Variants in COL22A1 observed in about 807,000 individuals in gnomAD.
COL22A1 encodes the protein collagen alpha-1(XXII) chain.
In COL22A1, 221 loss-of-function variants were observed where a neutral mutation model predicts 248.9. The observed-to-expected ratio is 0.89, with a 90% confidence interval of 0.80 to 0.99. COL22A1 has a LOEUF of 0.99. Ranked by LOEUF, COL22A1 falls within the 50% of genes least tolerant of loss-of-function variation. The pLI is 0.00. For missense variants in COL22A1, 2,240 were observed against 2,179.0 expected (o/e 1.03, Z -0.56); for synonymous variants, 891 against 793.4 (o/e 1.12, Z -2.07).
At chr8:138,859,783 G>A (rs1467907299) in intron 3 of COL22A1, among the ~76,000 whole-genome samples, 2 of 152,174 alleles carry the variant, frequency 1.3e-5, no homozygotes, top group East Asian at 1.9e-4. Context: ...ATGGGCATCG[G>A]TGTGGCCTCC....
intron 3 of COL22A1, among the ~76,000 whole-genome samples, chr8:138,847,046 C>G (rs1309097554): frequency 6.6e-6 from 1 of 152,128 alleles, no homozygotes; most frequent in Non-Finnish European, 1.5e-5. Flanking sequence ...TTCCATTTAT[C>G]CCAGCCTGGG....
intron 4 of COL22A1, among the ~76,000 whole-genome samples, chr8:138,836,023 C>A (rs1283595965): frequency 6.6e-6 from 1 of 152,196 alleles, no homozygotes; most frequent in East Asian, 1.9e-4. Context: ...GTAATCCCAG[C>A]ACTTTGGAAG....
rs374169776 is a variant in COL22A1 at position 138,623,716 on chromosome 8, G to A, written c.3771+16C>T. Reference sequence around the variant, plus strand: ...GATTTGGCATGTGATATAATAGGAAGTTTAGAGTCCTTTACCGGCTCTCCA... The same window carrying A: ...GATTTGGCATGTGATATAATAGGAAATTTAGAGTCCTTTACCGGCTCTCCA... On this transcript the variant is annotated intron_variant, in intron 52 of 64. Coordinates refer to ENST00000303045, the MANE Select transcript of COL22A1 (RefSeq NM_152888.3). The A allele has an allele frequency of 5.0e-6, 8 of 1,603,668 alleles. No homozygotes were observed. Among genetic ancestry groups the A allele is most frequent in the South Asian group, 1.1e-5 (1 of 89,390 alleles).
At chr8:138,771,766 A>T (rs987994690) in intron 16 of COL22A1, among the ~76,000 whole-genome samples, 3 of 152,176 alleles carry the variant, frequency 2.0e-5, no homozygotes, top group African/African-American at 7.2e-5. Context: ...AGAAGACATT[A>T]ATATTTCCAT....
At chr8:138,801,348 G>A (rs935815661) in intron 11 of COL22A1, among the ~76,000 whole-genome samples, 1 of 152,134 alleles carries the variant, frequency 6.6e-6, no homozygotes, top group Non-Finnish European at 1.5e-5. Flanking sequence ...GCAAAGGTTA[G>A]ACTCCATAGG....
chr8:138,837,468 C>G (rs1038867597), intron 4 of COL22A1, among the ~76,000 whole-genome samples: 3 of 152,236 alleles, frequency 2.0e-5, no homozygotes, highest in Non-Finnish European at 4.4e-5. Context: ...CCCACCTGAA[C>G]AGGACCTCAA....
chr8:138,702,899 T>A (rs1184512008), intron 31 of COL22A1, among the ~76,000 whole-genome samples: 1 of 152,094 alleles, frequency 6.6e-6, no homozygotes, highest in Non-Finnish European at 1.5e-5. Flanking sequence ...AAGCCCACAC[T>A]CTTACTGATA....
At chr8:138,779,102 AC>A (rs1211455994) in intron 14 of COL22A1, among the ~76,000 whole-genome samples, 1 of 152,242 alleles carries the variant, frequency 6.6e-6, no homozygotes, top group Non-Finnish European at 1.5e-5. Flanking sequence ...TTAGTGGAAA[AC>A]AAATGACATT....
rs754901541 is a variant in COL22A1, at chr8:138,635,080, T to C, written c.3556-17A>G. On this transcript the variant is annotated splice_polypyrimidine_tract_variant and intron_variant, in intron 48 of 64. Transcript: ENST00000303045. Reference sequence around the variant, plus strand: ...AGGATGACCCTAGGAAAACACAAGATGCAATTCTTTAAAATGACTTGAAAA... The same window carrying C: ...AGGATGACCCTAGGAAAACACAAGACGCAATTCTTTAAAATGACTTGAAAA... 9 of 1,593,266 alleles carry C rather than the reference T, an allele frequency of 5.6e-6. No homozygotes were observed. In the South Asian group the frequency reaches 9.1e-5, roughly 16 times the overall value.
At chr8:138,644,739 C>T (rs1241543348) in intron 47 of COL22A1, among the ~76,000 whole-genome samples, 1 of 152,202 alleles carries the variant, frequency 6.6e-6, no homozygotes, top group Non-Finnish European at 1.5e-5. Context: ...GCACATGTTT[C>T]TCCTTCTGTA....
chr8:138,686,328 G>A (rs1031915178), intron 37 of COL22A1, among the ~76,000 whole-genome samples: 11 of 152,280 alleles, frequency 7.2e-5, no homozygotes, highest in East Asian at 5.8e-4. Context: ...CCCTTGTGGC[G>A]GCCCTGACTG....
chr8:138,903,036 C>T (rs1169538926), intron 1 of COL22A1, among the ~76,000 whole-genome samples: 1 of 152,110 alleles, frequency 6.6e-6, no homozygotes, highest in Admixed American at 6.5e-5. Flanking sequence ...AAAAATGCTC[C>T]CTCCCTATCG....
At chr8:138,623,680 G>T in intron 52 of COL22A1, 52 bp downstream of exon 52, 2 of 1,465,074 alleles carry the variant, frequency 1.4e-6, no homozygotes, top group South Asian at 1.2e-5. Context: ...AGTTGTTTTT[G>T]ACATGTAATA....
At chr8:138,773,319 C>A (rs1309048952) in intron 16 of COL22A1, among the ~76,000 whole-genome samples, 1 of 152,162 alleles carries the variant, frequency 6.6e-6, no homozygotes, top group Non-Finnish European at 1.5e-5. Flanking sequence ...CCCGAGGGAC[C>A]ACATTGGTAC....
At chr8:138,873,993 C>T (rs1159727619) in intron 3 of COL22A1, among the ~76,000 whole-genome samples, 2 of 152,204 alleles carry the variant, frequency 1.3e-5, no homozygotes, top group African/African-American at 4.8e-5. Flanking sequence ...GTGAAGTCCC[C>T]CACAGGCATC....
In COL22A1 at chr8:138,865,313, G is replaced by A. The variant is rs34860996; in HGVS notation, c.658+12437C>T. 3.7e-3 allele frequency among the ~76,000 whole-genome samples: 571 copies of A among 152,270 alleles called. 5 individuals carry two copies. Among genetic ancestry groups the A allele is most frequent in the Non-Finnish European group, 5.2e-3 (353 of 68,026 alleles). On this transcript the variant is annotated intron_variant, in intron 3 of 64. Transcript: ENST00000303045. ...TGTGCATCTGAGTATGTGTATATAAGTGGGGCTGTGTAGTGAGTATGTATG... is the reference window on the plus strand; with the variant it reads ...TGTGCATCTGAGTATGTGTATATAAATGGGGCTGTGTAGTGAGTATGTATG...
rs779417247 is a variant in COL22A1 at position 138,596,940 on chromosome 8, G to A, written c.4396C>T (p.Arg1466Trp). Residue 1466 changes from arginine to tryptophan, a missense_variant, in exon 62 of 65, where the codon CGG (arginine) becomes TGG (tryptophan). Transcript: ENST00000303045. ...GESPSMETLR[R>W]LIQEELGKQL... The stretch of plus-strand genomic sequence containing the variant: ...TTCCCCAGCTCTTCTTGAATAAGCC[G>A]ACGCAGGGTTTCCATGGATGGAGAC... The A allele has an allele frequency of 1.2e-5, 20 of 1,614,038 alleles. No individual in the cohort carries two copies. Among genetic ancestry groups the A allele is most frequent in the East Asian group, 6.7e-5 (3 of 44,868 alleles).
intron 7 of COL22A1, among the ~76,000 whole-genome samples, chr8:138,818,678 T>C (rs1818869538): frequency 6.6e-6 from 1 of 152,206 alleles, no homozygotes; most frequent in Non-Finnish European, 1.5e-5. Flanking sequence ...TCTGAAGTTG[T>C]AAAGATTTTG....
chr8:138,885,142 C>T (rs1190870516), intron 1 of COL22A1, among the ~76,000 whole-genome samples: 1 of 152,184 alleles, frequency 6.6e-6, no homozygotes, highest in Admixed American at 6.5e-5. Context: ...TGCAGGGTCA[C>T]CCTCCAGTCC....
Sources: allele counts gnomAD v4.1 joint callset (sites outside exome capture counted in the v4.1 genomes callset), GRCh38; gene constraint gnomAD v4.1.1; transcripts MANE v1.5; gene names NCBI Gene and HGNC (gene_info 2026-07-23, HGNC 2026-07-21).